DENND2B: variants seen among roughly 807,000 people sequenced by gnomAD.
The protein encoded by DENND2B is DENN domain-containing protein 2B.
A neutral mutation model predicts 116.0 loss-of-function variants in DENND2B; 32 were observed. The ratio of observed to expected loss-of-function variants is 0.28; its 90% CI spans 0.21 to 0.37. The LOEUF (loss-of-function observed/expected upper bound fraction) is 0.37, where lower values mean the gene tolerates loss of function less well. DENND2B is among the 10% of genes least tolerant of loss of function. DENND2B has a pLI of 1.00. For synonymous variants in DENND2B, 588 were observed against 583.9 expected, an observed-to-expected ratio of 1.01 and a Z score of -0.10; for missense variants, 1,276 against 1,477.7, an observed-to-expected ratio of 0.86 and a Z score of 2.24.
At chr11:8,910,732 GTGTGTCT>G (rs1246287317) in intron 1 of DENND2B, 8 of 153,674 alleles carry the variant, frequency 5.2e-5, no homozygotes, top group East Asian at 2.0e-4. Flanking sequence ...GTGTGTGTGT[GTGTGTCT>G]ACACGGGTTC....
chr11:8,787,736 C>T (rs748674673), intron 1 of DENND2B, among the ~76,000 whole-genome samples: 31 of 152,218 alleles, frequency 2.0e-4, no homozygotes, highest in Non-Finnish European at 2.6e-4. Context: ...GCCTTCTTTT[C>T]TCTCAACTCC....
chr11:8,715,841 C>G lies in DENND2B; in HGVS notation c.1630-23G>C, dbSNP rs761598325. ...AAGCTGGCGTGGGGGAGAGGACGTG[C>G]GAGAGGGGCTTGCCACAGAGGCCTT... On this transcript the variant is annotated intron_variant, in intron 5 of 19. Coordinates refer to ENST00000313726, the MANE Select transcript of DENND2B (RefSeq NM_213618.2). 9 of 1,572,502 alleles carry G rather than the reference C, an allele frequency of 5.7e-6. No individual in the cohort carries two copies. The African/African-American group carries it at 6.7e-5, about 12-fold the overall frequency.
chr11:8,725,512 T>C (rs1175512274), intron 4 of DENND2B, among the ~76,000 whole-genome samples: 1 of 152,000 alleles, frequency 6.6e-6, no homozygotes, highest in African/African-American at 2.4e-5. Context: ...GTAGCTGGGA[T>C]TACAGGTGCC....
chr11:8,694,783 G>C (rs1467222088), intron 19 of DENND2B: 3 of 335,418 alleles, frequency 8.9e-6, no homozygotes, highest in African/African-American at 6.6e-5. Flanking sequence ...TTTACAGCTG[G>C]GCATGGTGGC....
chr11:8,861,602 A>C (rs2063393439), intron 2 of DENND2B, among the ~76,000 whole-genome samples: 1 of 152,222 alleles, frequency 6.6e-6, no homozygotes, highest in Admixed American at 6.5e-5. Context: ...AATTAGTACA[A>C]CCTCTATGGA....
At chr11:8,825,336 T>C (rs1397634812) in intron 4 of DENND2B, among the ~76,000 whole-genome samples, 1 of 152,214 alleles carries the variant, frequency 6.6e-6, no homozygotes, top group Non-Finnish European at 1.5e-5. Context: ...TTGAAAAGTG[T>C]CTGTTCATGT....
chr11:8,899,723 A>G (rs1205498317), intron 1 of DENND2B, among the ~76,000 whole-genome samples: 2 of 152,250 alleles, frequency 1.3e-5, no homozygotes, highest in African/African-American at 4.8e-5. Flanking sequence ...AGGCTGATGG[A>G]AAGTGATTTT....
intron 4 of DENND2B, among the ~76,000 whole-genome samples, chr11:8,834,922 C>T (rs147366196): frequency 1.1e-3 from 160 of 152,234 alleles, no homozygotes; most frequent in African/African-American, 3.4e-3. Flanking sequence ...TAAATACTAG[C>T]AATAAAACAA....
chr11:8,888,121 T>A (rs780585097), intron 1 of DENND2B, among the ~76,000 whole-genome samples: 1 of 152,224 alleles, frequency 6.6e-6, no homozygotes, highest in Admixed American at 6.5e-5. Context: ...CTAGAGTCTA[T>A]TGAAGGTTTG....
chr11:8,875,616 T>A (rs2063833291), upstream of DENND2B, among the ~76,000 whole-genome samples: 1 of 151,902 alleles, frequency 6.6e-6, no homozygotes, highest in African/African-American at 2.4e-5. Flanking sequence ...TCTATAGAGA[T>A]AGGAGTCTCA....
chr11:8,774,684 A>C (rs1036920667), intron 1 of DENND2B, among the ~76,000 whole-genome samples: 1 of 152,098 alleles, frequency 6.6e-6, no homozygotes. Flanking sequence ...CAAGTTCCCC[A>C]AAACCAAGAC....
Position 8,844,763 on chromosome 11 carries a change from C to A in DENND2B, c.-155-5413G>T, listed in dbSNP as rs1425940173. ...TTTTATTTTTTTTTAGAGACAGGGT[C>A]TTGCTGTATCACCCAAGCTGGAGTG... On this transcript the variant is annotated intron_variant, in intron 3 of 6. Transcript: ENST00000524757. Among the ~76,000 whole-genome samples, 6 of 107,530 alleles carry A rather than the reference C, an allele frequency of 5.6e-5. No homozygotes were observed. In the East Asian group the frequency reaches 2.5e-3, roughly 44 times the overall value. 70.5% of individuals were successfully genotyped at this position (107,530 alleles called of 152,430 possible).
At chr11:8,694,537 A>G (rs1319067522) in intron 19 of DENND2B, 1 of 460,232 alleles carries the variant, frequency 2.2e-6, no homozygotes, top group South Asian at 1.6e-5. Context: ...AGGAGTGCAA[A>G]CAGAAAGACC....
At chr11:8,907,114 C>G (rs970142213) in intron 1 of DENND2B, among the ~76,000 whole-genome samples, 1 of 152,196 alleles carries the variant, frequency 6.6e-6, no homozygotes, top group Non-Finnish European at 1.5e-5. Flanking sequence ...CCTCTTCCAA[C>G]GCATCTCCTC....
intron 4 of DENND2B, among the ~76,000 whole-genome samples, chr11:8,815,981 G>T (rs2061556223): frequency 6.6e-6 from 1 of 152,114 alleles, no homozygotes; most frequent in African/African-American, 2.4e-5. Flanking sequence ...TCACTAGAGG[G>T]GTTTATAGTA....
At chr11:8,776,154 G>GCACACACACACACACA (rs753898926) in intron 1 of DENND2B, 1 of 272,868 alleles carries the variant, frequency 3.7e-6, no homozygotes, top group Non-Finnish European at 7.7e-6. Context: ...GCGCACGCGC[G>GCACACACACACACACA]CGCGCGCACA....
chr11:8,817,880 CACATAA>C (rs558766719), intron 4 of DENND2B, among the ~76,000 whole-genome samples: 164 of 152,062 alleles, frequency 1.1e-3, no homozygotes, highest in African/African-American at 3.5e-3. Flanking sequence ...AACACTGGGC[CACATAA>C]ACATAGGCTT....
chr11:8,899,227 A>G (rs1240896423), intron 1 of DENND2B, among the ~76,000 whole-genome samples: 2 of 152,132 alleles, frequency 1.3e-5, no homozygotes, highest in Non-Finnish European at 2.9e-5. Flanking sequence ...AGATACCACC[A>G]AACATACTAA....
chr11:8,715,787 C>A lies in DENND2B; in HGVS notation c.1661G>T (p.Arg554Leu). 1 of 1,608,528 alleles carries A rather than the reference C, an allele frequency of 6.2e-7. No individual in the cohort carries two copies. The highest frequency in any genetic ancestry group is 8.5e-7 in the Non-Finnish European group (1 of 1,175,540). The change falls in exon 6 of 20, where the codon CGC becomes CTC. Residue 554 changes from arginine (R) to leucine (L), a missense_variant. Arg to Leu is a moderately radical substitution (Grantham distance 102). This residue lies in a region of DENND2B where 856 missense variants were observed against 846.6 expected (regional missense o/e 1.01). Coordinates refer to ENST00000313726, the MANE Select transcript of DENND2B (RefSeq NM_213618.2). The part of the protein sequence containing the change: ...LSLKPNSQSL[R>L]SGNWSERKSH... ...CTTCCTTTCTGACCAGTTCCCACTG[C>A]GCAGGGACTGGCTGTTGGGTTTCAG...
Sources: gnomAD v4.1 joint callset for allele counts (sites outside exome capture counted in the v4.1 genomes callset) on GRCh38, gnomAD v4.1.1 for gene constraint, gnomAD v4.1.1 regional missense constraint, MANE v1.5 for transcripts, NCBI Gene and HGNC (gene_info 2026-07-23, HGNC 2026-07-21) for gene names.